CTIF: variants seen among roughly 807,000 people sequenced by gnomAD.
CTIF encodes cap binding complex dependent translation initiation factor.
A neutral mutation model predicts 66.0 loss-of-function variants in CTIF; 21 were observed. The ratio of observed to expected loss-of-function variants is 0.32; its 90% CI spans 0.23 to 0.46. The LOEUF (loss-of-function observed/expected upper bound fraction) is 0.46. CTIF is among the 20% of genes least tolerant of loss of function. The pLI is 1.00. For missense variants in CTIF, 739 were observed against 812.7 expected, an observed-to-expected ratio of 0.91 and a Z score of 1.10; for synonymous variants, 345 against 326.4, an observed-to-expected ratio of 1.06 and a Z score of -0.62.
intron 10 of CTIF, among the ~76,000 whole-genome samples, chr18:48,837,806 C>T (rs530248324): frequency 3.3e-5 from 5 of 151,532 alleles, no homozygotes; most frequent in African/African-American, 7.3e-5. Flanking sequence ...CTGGATGCAT[C>T]CCTCTCCCTG....
chr18:48,819,483 G>A (rs558894710), intron 10 of CTIF, among the ~76,000 whole-genome samples: 25 of 152,314 alleles, frequency 1.6e-4, no homozygotes, highest in Admixed American at 1.6e-3. Flanking sequence ...CTGCTCCTCC[G>A]AGAGGGAGGC....
At chr18:48,851,317 G>A (rs1480877964) in intron 10 of CTIF, among the ~76,000 whole-genome samples, 1 of 152,240 alleles carries the variant, frequency 6.6e-6, no homozygotes, top group Non-Finnish European at 1.5e-5. Context: ...CCGCTCTGCA[G>A]GCCCAAGCAG....
intron 1 of CTIF, among the ~76,000 whole-genome samples, chr18:48,593,515 G>A (rs1442533614): frequency 6.6e-6 from 1 of 151,614 alleles, no homozygotes; most frequent in African/African-American, 2.4e-5. Context: ...CCGAGTAGCT[G>A]GGACTACAGG....
intron 7 of CTIF, among the ~76,000 whole-genome samples, chr18:48,732,310 C>A (rs1485525721): frequency 1.3e-5 from 2 of 152,176 alleles, no homozygotes; most frequent in Admixed American, 6.5e-5. Flanking sequence ...AACAGAAGAA[C>A]CTGGAAGGCT....
chr18:48,616,019 A>T (rs567631156), intron 1 of CTIF, among the ~76,000 whole-genome samples: 9 of 152,120 alleles, frequency 5.9e-5, no homozygotes, highest in African/African-American at 2.2e-4. Context: ...CCCTCATGGG[A>T]CCCTGACACA....
chr18:48,771,454 C>T (rs1910107558), intron 9 of CTIF, among the ~76,000 whole-genome samples: 1 of 152,212 alleles, frequency 6.6e-6, no homozygotes, highest in African/African-American at 2.4e-5. Flanking sequence ...GGTTTTCTCC[C>T]TCTCGCTTCT....
intron 2 of CTIF, among the ~76,000 whole-genome samples, chr18:48,623,466 A>G (rs566728697): frequency 1.3e-5 from 2 of 152,126 alleles, no homozygotes; most frequent in African/African-American, 4.8e-5. Flanking sequence ...CTGTGTCTAC[A>G]TAAGATACTT....
chr18:48,797,252 G>T (rs988605246), intron 9 of CTIF, among the ~76,000 whole-genome samples: 1 of 152,180 alleles, frequency 6.6e-6, no homozygotes, highest in Non-Finnish European at 1.5e-5. Flanking sequence ...GGAGGCCGAG[G>T]TGGGCAGATC....
chr18:48,802,400 C>T (rs1013984326), intron 9 of CTIF, among the ~76,000 whole-genome samples: 17 of 152,240 alleles, frequency 1.1e-4, no homozygotes, highest in Non-Finnish European at 1.8e-4. Flanking sequence ...ACTCAGCCCT[C>T]TCCTCTGAGG....
chr18:48,799,096 C>T (rs183681022), intron 9 of CTIF, among the ~76,000 whole-genome samples: 146 of 152,322 alleles, frequency 9.6e-4, no homozygotes, highest in Non-Finnish European at 1.4e-3. Context: ...CCTCGGGTCA[C>T]GCGGAGCAGT....
At chr18:48,708,674 C>CA (rs2145458897) in intron 6 of CTIF, among the ~76,000 whole-genome samples, 1 of 152,294 alleles carries the variant, frequency 6.6e-6, no homozygotes, top group South Asian at 2.1e-4. Flanking sequence ...TTTGTTCTGT[C>CA]ACCTCTGTCA....
chr18:48,608,309 T>C (rs2090241582), intron 1 of CTIF, among the ~76,000 whole-genome samples: 1 of 152,152 alleles, frequency 6.6e-6, no homozygotes, highest in South Asian at 2.1e-4. Flanking sequence ...AAGTCAGAAA[T>C]TGTGGCTTTT....
At chr18:48,547,404 C>T (rs551996169) in intron 1 of CTIF, among the ~76,000 whole-genome samples, 2 of 152,174 alleles carry the variant, frequency 1.3e-5, no homozygotes, top group Non-Finnish European at 2.9e-5. Context: ...ACATTGTCTT[C>T]CCATGCTCAG....
chr18:48,619,640 G>A lies in CTIF; in HGVS notation c.75G>A (p.Glu25=), dbSNP rs753858214. The part of the protein sequence containing the change: ...SSRSQEIEEL[E]RFIDSYVLEY... ...GCTCCCAGGAGATCGAGGAGCTGGA[G>A]CGCTTCATCGACAGCTACGTGCTGG... Residue 25 remains glutamate, a synonymous_variant, in exon 2 of 12, where the codon GAG becomes GAA. Coordinates refer to ENST00000256413, the MANE Select transcript of CTIF (RefSeq NM_014772.3). 5 of 1,606,080 alleles carry A rather than the reference G, an allele frequency of 3.1e-6. No individual in the cohort carries two copies. The highest frequency in any genetic ancestry group is 1.7e-5 in the Admixed American group (1 of 59,126).
intron 7 of CTIF, among the ~76,000 whole-genome samples, chr18:48,731,274 C>T (rs902141822): frequency 1.3e-5 from 2 of 152,138 alleles, no homozygotes; most frequent in African/African-American, 4.8e-5. Flanking sequence ...CCAGGACCCC[C>T]AAGAGCTGTG....
chr18:48,653,228 C>G (rs756532999), intron 3 of CTIF, among the ~76,000 whole-genome samples: 3 of 152,126 alleles, frequency 2.0e-5, no homozygotes, highest in Non-Finnish European at 4.4e-5. Flanking sequence ...ACTTAGAAAA[C>G]CCCATCGTCT....
chr18:48,689,947 G>A (rs1020562953), intron 6 of CTIF, among the ~76,000 whole-genome samples: 1 of 152,162 alleles, frequency 6.6e-6, no homozygotes, highest in Non-Finnish European at 1.5e-5. Context: ...TCCCCAGTCT[G>A]TGAGATACTT....
chr18:48,558,354 A>G (rs1465605741), intron 1 of CTIF, among the ~76,000 whole-genome samples: 1 of 152,244 alleles, frequency 6.6e-6, no homozygotes, highest in Non-Finnish European at 1.5e-5. Context: ...GGTCAATAGT[A>G]ATGTTACAGT....
chr18:48,682,077 T>G (rs975811812), intron 6 of CTIF, among the ~76,000 whole-genome samples: 1 of 151,822 alleles, frequency 6.6e-6, no homozygotes, highest in Non-Finnish European at 1.5e-5. Context: ...TGAGCCACCG[T>G]GCCCAGCCCC....
Sources: gnomAD v4.1 joint callset for allele counts (sites outside exome capture counted in the v4.1 genomes callset) on GRCh38, gnomAD v4.1.1 for gene constraint, MANE v1.5 for transcripts, NCBI Gene and HGNC (gene_info 2026-07-23, HGNC 2026-07-21) for gene names.